GCC2: variants seen among roughly 807,000 people sequenced by gnomAD.
GCC2 encodes the protein GRIP and coiled-coil domain-containing protein 2.
GCC2 carries 120 observed loss-of-function variants against 210.6 expected under a neutral mutation model. The ratio of observed to expected loss-of-function variants is 0.57; its 90% CI spans 0.49 to 0.66. The LOEUF is 0.66. Ranked by LOEUF, GCC2 falls within the 30% of genes least tolerant of loss-of-function variation. The pLI is 0.00. For synonymous variants in GCC2, 703 were observed against 652.7 expected (o/e 1.08, Z -1.17); for missense variants, 1,868 against 1,871.9 (o/e 1.00, Z 0.04).
At position 108,489,999 on chromosome 2, in the gene GCC2, C is replaced by T. The variant is rs1558755166; in HGVS notation, c.4214C>T (p.Ala1405Val). 2.5e-6 allele frequency: 4 copies of T among 1,600,138 alleles called. No individual in the cohort carries two copies. The highest frequency in any genetic ancestry group is 2.6e-6 in the Non-Finnish European group (3 of 1,174,816). The part of the protein sequence containing the change: ...KMLQETVSKE[A>V]ELREKLCSIQ... ...CTGCAGGAAACTGTGTCCAAAGAGGCGGAACTCCGGGAAAAGTAAGACTGT... is the reference window on the plus strand; with the variant it reads ...CTGCAGGAAACTGTGTCCAAAGAGGTGGAACTCCGGGAAAAGTAAGACTGT... The change falls in exon 18 of 23, where the codon GCG becomes GTG. Residue 1405 changes from alanine (A) to valine (V), a missense_variant. Physicochemically the swap from Ala to Val is moderately conservative, Grantham distance 64. This residue lies in a region of GCC2 where 1,847 missense variants were observed against 1,765.2 expected (regional missense o/e 1.05). Transcript: ENST00000309863.
In GCC2 at chr2:108,486,601, T is replaced by C; in HGVS notation, c.3883T>C (p.Tyr1295His). Residue 1295 changes from tyrosine (Y) to histidine (H), a missense_variant, in exon 16 of 23, where the codon TAC becomes CAC. Physicochemically the swap from Tyr to His is moderately conservative, Grantham distance 83. Transcript: ENST00000309863. ...ACAGCACCAGCGTACGCTAAGTGCA[T>C]ACCAGCAGAGAGTGACAGCACTACA... ...AEQHQRTLSA[Y>H]QQRVTALQEE... is the part of the protein sequence containing the mutation. 1.2e-6 allele frequency: 2 copies of C among 1,614,038 alleles called. No homozygotes were observed. The highest frequency in any genetic ancestry group is 8.5e-7 in the Non-Finnish European group (1 of 1,179,898).
In GCC2 at chr2:108,504,759, T is replaced by C. The variant is rs186418624; in HGVS notation, c.4985-2801T>C. Among the ~76,000 whole-genome samples the C allele has an allele frequency of 1.2e-4, 19 of 152,312 alleles. No homozygotes were observed. The East Asian group carries it at 3.7e-3, about 29-fold the overall frequency. ...CTACTCAAGCAGGAAGTAAAAGTCA[T>C]TTTTCTATATCTTCTTTGCTCCCAG... is the stretch of plus-strand genomic sequence containing the variant. On this transcript the variant is annotated intron_variant, in intron 22 of 22. Transcript: ENST00000309863.
At chr2:108,493,449 A>C (rs1682503497) in intron 19 of GCC2, 1 of 986,678 alleles carries the variant, frequency 1.0e-6, no homozygotes, top group African/African-American at 1.7e-5. Flanking sequence ...GTTAGACATC[A>C]AATTTGTCTA....
intron 19 of GCC2, 119 bp downstream of exon 19, chr2:108,492,909 G>C: frequency 2.7e-6 from 2 of 741,554 alleles, no homozygotes; most frequent in Non-Finnish European, 2.3e-6. Flanking sequence ...TGTCAAATCT[G>C]TGATTAATGA....
Position 108,496,984 on chromosome 2 carries a change from C to T in GCC2, c.4657C>T (p.His1553Tyr). 6.2e-7 allele frequency: 1 copy of T among 1,612,006 alleles called. No homozygotes were observed. Among genetic ancestry groups the T allele is most frequent in the Admixed American group, 1.7e-5 (1 of 60,018 alleles). The part of the protein sequence containing the change: ...PETKLEPPLW[H>Y]AEFTKEELVQ... ...ACATGTTGCAGAGCCTCCATTATGG[C>T]ATGCTGAATTTACCAAAGAAGAATT... Residue 1553 changes from histidine to tyrosine, a missense_variant, in exon 21 of 23, where the codon CAT (histidine) becomes TAT (tyrosine). His to Tyr is a moderately conservative substitution (Grantham distance 83, BLOSUM62 2). This residue lies in a region of GCC2 where 1,847 missense variants were observed against 1,765.2 expected (regional missense o/e 1.05). Transcript: ENST00000309863.
At position 108,495,292 on chromosome 2, in the gene GCC2, C is replaced by T. The variant is rs1243175854; in HGVS notation, c.4449C>T (p.Ser1483=). Residue 1483 remains serine (S), a splice_region_variant and synonymous_variant, in exon 20 of 23, where the codon AGC becomes AGT. Coordinates refer to ENST00000309863, the MANE Select transcript of GCC2 (RefSeq NM_181453.4). ...FQLKNEPTTR[S]PVSSQQSLKN... is the part of the protein sequence containing the mutation. ...TAACCTTTTAAAAAAATCTAATAGG[C>T]CCAGTTTCCTCTCAACAATCTTTGA... The T allele has an allele frequency of 6.4e-7, 1 of 1,573,880 alleles. No individual in the cohort carries two copies. Among genetic ancestry groups the T allele is most frequent in the Admixed American group, 1.7e-5 (1 of 57,822 alleles).
At chr2:108,482,553 C>T (rs1681915688) in intron 11 of GCC2, 102 bp downstream of exon 11, 11 of 592,158 alleles carry the variant, frequency 1.9e-5, no homozygotes, top group Admixed American at 1.6e-4. Flanking sequence ...TTTATGAATA[C>T]AGCAGAGTTC....
At chr2:108,501,112 C>T (rs1000952049) in intron 22 of GCC2, among the ~76,000 whole-genome samples, 10 of 151,854 alleles carry the variant, frequency 6.6e-5, no homozygotes, top group African/African-American at 2.4e-4. Context: ...TCTCCTGCCT[C>T]AGCCTCCCCA....
rs1558768176 is a variant in GCC2, at chr2:108,509,348, G to A, written c.*1718G>A. 1 of 152,404 alleles carries A rather than the reference G, an allele frequency of 6.6e-6. No individual in the cohort carries two copies. Among genetic ancestry groups the A allele is most frequent in the Non-Finnish European group, 1.5e-5 (1 of 68,030 alleles). The allele number at this position is 152,404 out of a possible 1,614,324, so 9.4% of individuals were successfully genotyped here. Reference sequence around the variant, plus strand: ...TATTCTTTCATGGTTTCTGCAATGAGAGGAAGTGTAATGATTATTTTAATA... The same window carrying A: ...TATTCTTTCATGGTTTCTGCAATGAAAGGAAGTGTAATGATTATTTTAATA... On this transcript the variant is annotated 3_prime_UTR_variant, in exon 23 of 23. Coordinates refer to ENST00000309863, the MANE Select transcript of GCC2 (RefSeq NM_181453.4).
chr2:108,475,570 AAAAT>A lies in GCC2; in HGVS notation c.2903_2906del (p.Asn968ArgfsTer2). 3.9e-6 allele frequency: 6 copies of A among 1,524,666 alleles called. 1 individual carries two copies. The Middle Eastern group carries it at 5.4e-4, about 138-fold the overall frequency. 94.4% of individuals were successfully genotyped at this position (1,524,666 alleles called of 1,614,324 possible). ...AAAAGAATGCAAAGAAAAGGAGGAG[AAAAT>A]AAATAAGATAAAATTAGTTGCCGTA... On this transcript the variant is annotated frameshift_variant, in exon 8 of 23. Coordinates refer to ENST00000309863, the MANE Select transcript of GCC2 (RefSeq NM_181453.4). LOFTEE classifies it high-confidence loss of function.
chr2:108,455,432 C>T (rs1227429279), intron 4 of GCC2, among the ~76,000 whole-genome samples: 2 of 151,862 alleles, frequency 1.3e-5, no homozygotes, highest in African/African-American at 4.8e-5. Flanking sequence ...GAGTGAGACT[C>T]CGTCTCAAGA....
intron 4 of GCC2, among the ~76,000 whole-genome samples, chr2:108,457,938 T>A (rs1680355370): frequency 6.6e-6 from 1 of 152,250 alleles, no homozygotes; most frequent in South Asian, 2.1e-4. Context: ...CTAATTGTTC[T>A]GGCTAGGACT....
At chr2:108,484,430 G>A in intron 13 of GCC2, 119 bp downstream of exon 13, 2 of 586,710 alleles carry the variant, frequency 3.4e-6, no homozygotes, top group Admixed American at 3.6e-5. Flanking sequence ...GTTTAACACA[G>A]TGATAAATGT....
intron 9 of GCC2, among the ~76,000 whole-genome samples, chr2:108,480,008 A>C (rs941905681): frequency 7.5e-6 from 1 of 133,048 alleles, no homozygotes; most frequent in East Asian, 2.2e-4. Context: ...AAAAAAAAAA[A>C]ACGAAAAACC....
chr2:108,500,810 T>G (rs1682886154), intron 22 of GCC2, among the ~76,000 whole-genome samples: 1 of 152,210 alleles, frequency 6.6e-6, no homozygotes, highest in South Asian at 2.1e-4. Flanking sequence ...AGGGGAGAGT[T>G]AGAGACTTAA....
chr2:108,478,957 C>T (rs1360565962), intron 9 of GCC2, among the ~76,000 whole-genome samples: 1 of 152,146 alleles, frequency 6.6e-6, no homozygotes, highest in Admixed American at 6.5e-5. Context: ...CTTTGGGAGG[C>T]CGTGGCTTGA....
intron 21 of GCC2, among the ~76,000 whole-genome samples, chr2:108,498,109 A>G (rs1162974683): frequency 2.0e-5 from 3 of 152,020 alleles, no homozygotes; most frequent in Admixed American, 1.3e-4. Context: ...TCTGACTAAT[A>G]AAAACATTAT....
chr2:108,473,215 G>T, intron 7 of GCC2: 1 of 241,270 alleles, frequency 4.1e-6, no homozygotes, highest in South Asian at 6.3e-5. Flanking sequence ...TAGAAAAGTG[G>T]TTGAGGTACA....
At chr2:108,490,078 A>C in intron 18 of GCC2, 64 bp downstream of exon 18, 1 of 1,128,550 alleles carries the variant, frequency 8.9e-7, no homozygotes, top group South Asian at 1.9e-5. Context: ...TGAAACTTCT[A>C]ATATGTTGAT....
Sources: allele counts gnomAD v4.1 joint callset (sites outside exome capture counted in the v4.1 genomes callset), GRCh38; gene constraint gnomAD v4.1.1; regional missense constraint gnomAD v4.1.1; transcripts MANE v1.5; gene names NCBI Gene and HGNC (gene_info 2026-07-23, HGNC 2026-07-21).